Variants in CATSPERB observed in about 807,000 individuals in gnomAD.
CATSPERB encodes cation channel sperm-associated auxiliary subunit beta.
In CATSPERB, 93 loss-of-function variants were observed where a neutral mutation model predicts 128.3. That is an observed-to-expected ratio of 0.72 (90% confidence interval 0.61 to 0.86). The LOEUF is 0.86. Among genes scored for constraint, CATSPERB ranks in the 40% least tolerant of loss-of-function variants. The pLI, the probability that CATSPERB is intolerant of heterozygous loss-of-function variation, is 0.00. For synonymous variants in CATSPERB, 381 were observed against 448.8 expected (o/e 0.85, Z 1.91); for missense variants, 1,153 against 1,329.5 (o/e 0.87, Z 2.06).
In CATSPERB at chr14:91,661,784, G is replaced by A. The variant is rs199783597; in HGVS notation, c.1288-1803C>T. Among the ~76,000 whole-genome samples, 91 of 151,858 alleles carry A rather than the reference G, an allele frequency of 6.0e-4. No homozygotes were observed. The East Asian group carries it at 0.011, about 19-fold the overall frequency. On this transcript the variant is annotated intron_variant, in intron 14 of 26. Transcript: ENST00000256343. ...AGCGATTCTCCTGCCTTGGCCTCCCGAAGTGCTGGTATCACAGGCATGAGC... is the reference window on the plus strand; with the variant it reads ...AGCGATTCTCCTGCCTTGGCCTCCCAAAGTGCTGGTATCACAGGCATGAGC...
rs143117508 is a variant in CATSPERB, at chr14:91,689,932, T to C, written c.864+1591A>G. On this transcript the variant is annotated intron_variant, in intron 10 of 26. Transcript: ENST00000256343. ...TGCCATTTCTCCTTGTTATATTGTC[T>C]AGAGTTTTGGTTCCATCCAATTATT... is the stretch of plus-strand genomic sequence containing the variant. Among the ~76,000 whole-genome samples, 1,410 of 152,306 alleles carry C rather than the reference T, an allele frequency of 9.3e-3. 22 individuals carry two copies. The highest frequency in any genetic ancestry group is 0.032 in the African/African-American group (1,318 of 41,568).
At chr14:91,663,188 C>T (rs1411377156) in intron 14 of CATSPERB, among the ~76,000 whole-genome samples, 1 of 152,048 alleles carries the variant, frequency 6.6e-6, no homozygotes, top group African/African-American at 2.4e-5. Flanking sequence ...TGATCTGATT[C>T]GGGGACCTAA....
At chr14:91,598,395 T>C (rs1893546910) in intron 22 of CATSPERB, among the ~76,000 whole-genome samples, 1 of 152,112 alleles carries the variant, frequency 6.6e-6, no homozygotes, top group Admixed American at 6.5e-5. Flanking sequence ...TATTATTTAA[T>C]TTAATATAAC....
chr14:91,625,302 T>G (rs1311338260), intron 17 of CATSPERB, among the ~76,000 whole-genome samples: 1 of 152,174 alleles, frequency 6.6e-6, no homozygotes, highest in Non-Finnish European at 1.5e-5. Context: ...ACTAGCTTCC[T>G]GGAAAGCAAT....
intron 16 of CATSPERB, among the ~76,000 whole-genome samples, 192 bp downstream of exon 16, chr14:91,638,904 C>T (rs564468171): frequency 2.6e-5 from 4 of 152,128 alleles, no homozygotes; most frequent in Non-Finnish European, 5.9e-5. Context: ...TATATAATTC[C>T]ATATGGGACT....
chr14:91,674,081 T>C (rs1895149280), intron 12 of CATSPERB, 95 bp downstream of exon 12: 1 of 703,892 alleles, frequency 1.4e-6, no homozygotes, highest in East Asian at 2.7e-5. Flanking sequence ...AGCCTTTCAG[T>C]CTGTAGAATT....
intron 2 of CATSPERB, 26 bp downstream of exon 2, chr14:91,729,375 A>C: frequency 9.4e-7 from 1 of 1,061,880 alleles, no homozygotes; most frequent in Non-Finnish European, 1.4e-6. Flanking sequence ...AGAAGGAAAT[A>C]GAGAGTAAGA....
intron 15 of CATSPERB, among the ~76,000 whole-genome samples, chr14:91,657,741 C>A (rs780244533): frequency 6.6e-6 from 1 of 152,110 alleles, no homozygotes; most frequent in South Asian, 2.1e-4. Flanking sequence ...AGATGACATA[C>A]AAACGGCAGA....
intron 22 of CATSPERB, among the ~76,000 whole-genome samples, chr14:91,605,516 T>C (rs538260502): frequency 6.6e-6 from 1 of 152,314 alleles, no homozygotes; most frequent in African/African-American, 2.4e-5. Flanking sequence ...TAGATGGCTC[T>C]TGATTTCTCT....
intron 20 of CATSPERB, 92 bp from the exon 21 acceptor site, chr14:91,610,769 T>C: frequency 8.7e-7 from 1 of 1,148,172 alleles, no homozygotes; most frequent in Non-Finnish European, 1.2e-6. Flanking sequence ...AACCCCAACC[T>C]CCAGTATCTC....
intron 17 of CATSPERB, 188 bp downstream of exon 17, chr14:91,636,237 C>A: frequency 1.9e-6 from 1 of 533,158 alleles, no homozygotes; most frequent in Non-Finnish European, 3.3e-6. Context: ...GTGGTGTGTG[C>A]CTGCAGTCCC....
chr14:91,624,777 T>C, intron 18 of CATSPERB, 43 bp downstream of exon 18: 2 of 1,392,692 alleles, frequency 1.4e-6, no homozygotes, highest in East Asian at 2.5e-5. Context: ...TAATTTTTCA[T>C]TTTTTTCTAG....
intron 7 of CATSPERB, among the ~76,000 whole-genome samples, chr14:91,696,829 T>C (rs1036464566): frequency 6.6e-6 from 1 of 152,162 alleles, no homozygotes; most frequent in East Asian, 1.9e-4. Context: ...TAGCCTTTGA[T>C]TGCAGCAGAG....
chr14:91,638,205 T>C (rs1315417084), intron 16 of CATSPERB, among the ~76,000 whole-genome samples: 1 of 152,314 alleles, frequency 6.6e-6, no homozygotes, highest in South Asian at 2.1e-4. Context: ...GGTTTGAGAG[T>C]GTCCAGTTTT....
intron 22 of CATSPERB, chr14:91,592,466 G>T (rs752139943): frequency 8.6e-5 from 14 of 161,898 alleles, no homozygotes; most frequent in Non-Finnish European, 1.9e-4. Flanking sequence ...CTGCCCATTT[G>T]TCATTCATTT....
intron 20 of CATSPERB, among the ~76,000 whole-genome samples, chr14:91,612,112 T>C (rs2139778581): frequency 6.6e-6 from 1 of 151,076 alleles, no homozygotes; most frequent in South Asian, 2.1e-4. Flanking sequence ...CAGGCTGGAG[T>C]ACAGTGGCAC....
At chr14:91,663,481 T>C (rs1364206577) in intron 14 of CATSPERB, among the ~76,000 whole-genome samples, 4 of 151,832 alleles carry the variant, frequency 2.6e-5, no homozygotes, top group East Asian at 1.9e-4. Flanking sequence ...CTGTCTCTAC[T>C]AAAAATACAA....
At position 91,644,039 on chromosome 14, in the gene CATSPERB, CT is replaced by C. The variant is rs1232399711; in HGVS notation, c.1433-4790del. Among the ~76,000 whole-genome samples, 2 of 138,436 alleles carry C rather than the reference CT, an allele frequency of 1.4e-5. 1 individual carries two copies. The allele number at this position is 138,436 out of a possible 152,430, so 90.8% of individuals were successfully genotyped here. A position where few individuals can be genotyped will look rare whatever the true frequency, so the allele number is the denominator to read the frequency against. On this transcript the variant is annotated intron_variant, in intron 15 of 26. Transcript: ENST00000256343. Reference sequence around the variant, plus strand: ...CAGAGACTAGGATTGCAACCCTTGCCTTTTTTTGTTTTCCATTTGCTTGGTA... The same window carrying C: ...CAGAGACTAGGATTGCAACCCTTGCCTTTTTTGTTTTCCATTTGCTTGGTA...
intron 15 of CATSPERB, among the ~76,000 whole-genome samples, chr14:91,644,402 C>T (rs1469997918): frequency 6.7e-6 from 1 of 149,088 alleles, no homozygotes; most frequent in Admixed American, 6.7e-5. Flanking sequence ...GTAGGGCAGG[C>T]CTGGTGATGA....
Sources: allele counts gnomAD v4.1 joint callset (sites outside exome capture counted in the v4.1 genomes callset), GRCh38; gene constraint gnomAD v4.1.1; transcripts MANE v1.5; gene names NCBI Gene and HGNC (gene_info 2026-07-23, HGNC 2026-07-21).